The following LRRC7 variants were observed in gnomAD, a reference collection of about 807,000 sequenced individuals.
LRRC7 encodes the protein leucine-rich repeat-containing protein 7.
A neutral mutation model predicts 175.7 loss-of-function variants in LRRC7; 23 were observed. The ratio of observed to expected loss-of-function variants is 0.13; its 90% CI spans 0.09 to 0.19. The LOEUF (loss-of-function observed/expected upper bound fraction) is 0.19. Ranked by LOEUF, LRRC7 falls within the 10% of genes least tolerant of loss-of-function variation. The pLI is 1.00. For synonymous variants in LRRC7, 685 were observed against 680.9 expected (o/e 1.01, Z -0.09); for missense variants, 1,354 against 1,904.7 (o/e 0.71, Z 5.38).
At chr1:69,885,233 A>G (rs1184301839) in intron 7 of LRRC7, among the ~76,000 whole-genome samples, 1 of 135,528 alleles carries the variant, frequency 7.4e-6, no homozygotes, top group African/African-American at 2.9e-5. Context: ...TCAGCTGTGA[A>G]TCCATCTGGT....
chr1:69,663,710 T>G (rs915347990), intron 1 of LRRC7, among the ~76,000 whole-genome samples: 6,315 of 118,240 alleles, frequency 0.053, 264 homozygotes, highest in East Asian at 0.11. Flanking sequence ...ATTTTTTTTT[T>G]TTTTTTTTTT....
At chr1:70,060,332 C>T (rs1176197009) in intron 23 of LRRC7, among the ~76,000 whole-genome samples, 1 of 151,040 alleles carries the variant, frequency 6.6e-6, no homozygotes, top group Admixed American at 6.6e-5. Flanking sequence ...CCCCACCCCC[C>T]CAAAAAAAAA....
Position 70,135,848 on chromosome 1 carries a change from A to G in LRRC7, c.*13961A>G, listed in dbSNP as rs187965642. 9.2e-5 allele frequency among the ~76,000 whole-genome samples: 14 copies of G among 152,308 alleles called. No individual in the cohort carries two copies. The East Asian group carries it at 2.1e-3, about 23-fold the overall frequency. On this transcript the variant is annotated 3_prime_UTR_variant, in exon 27 of 27. Coordinates refer to ENST00000651989, the MANE Select transcript of LRRC7 (RefSeq NM_001370785.2). ...TTTTGGGATATAAATCTTCAGCCAT[A>G]CTTGTAGAATCGTTTGACTAAGCAA...
At chr1:69,830,209 C>G (rs1223987420) in intron 5 of LRRC7, among the ~76,000 whole-genome samples, 1 of 151,696 alleles carries the variant, frequency 6.6e-6, no homozygotes, top group East Asian at 1.9e-4. Context: ...TTAAAACATT[C>G]TTAATGCTCA....
At chr1:69,934,649 C>G (rs1386272392) in intron 8 of LRRC7, among the ~76,000 whole-genome samples, 1 of 151,732 alleles carries the variant, frequency 6.6e-6, no homozygotes, top group African/African-American at 2.4e-5. Flanking sequence ...TATATATAAC[C>G]ATTATTAATA....
chr1:69,996,823 C>G (rs1338684997), intron 11 of LRRC7, among the ~76,000 whole-genome samples: 1 of 151,464 alleles, frequency 6.6e-6, no homozygotes, highest in African/African-American at 2.4e-5. Flanking sequence ...AGTTTGAAGT[C>G]AGGTAGTGTG....
intron 1 of LRRC7, among the ~76,000 whole-genome samples, chr1:69,609,864 C>T (rs1020829417): frequency 5.3e-5 from 8 of 151,964 alleles, no homozygotes; most frequent in Admixed American, 1.3e-4. Context: ...ACTCATACAA[C>T]CGGCATTTTA....
In LRRC7 at chr1:70,143,211, T is replaced by A. The variant is rs1667149275; in HGVS notation, c.*21324T>A. The A allele has an allele frequency of 6.6e-6, 1 of 151,944 alleles. No homozygotes were observed. Among genetic ancestry groups the A allele is most frequent in the Non-Finnish European group, 1.5e-5 (1 of 67,968 alleles). 9.4% of individuals were successfully genotyped at this position (151,944 alleles called of 1,614,324 possible). A position where few individuals can be genotyped will look rare whatever the true frequency, so the allele number is the denominator to read the frequency against. ...AAGAGTCTCTAGACTTTTTTTTTTT[T>A]TTTAATGATCTCTGACTTCACTACC... is the stretch of plus-strand genomic sequence containing the variant. On this transcript the variant is annotated 3_prime_UTR_variant, in exon 27 of 27. Coordinates refer to ENST00000651989, the MANE Select transcript of LRRC7 (RefSeq NM_001370785.2).
intron 7 of LRRC7, among the ~76,000 whole-genome samples, chr1:69,916,782 T>C (rs1255405682): frequency 6.6e-6 from 1 of 152,080 alleles, no homozygotes; most frequent in Non-Finnish European, 1.5e-5. Flanking sequence ...GGCAAGTTAC[T>C]TGCGCTCACG....
At chr1:69,682,340 G>A (rs532389670) in intron 2 of LRRC7, among the ~76,000 whole-genome samples, 1 of 152,056 alleles carries the variant, frequency 6.6e-6, no homozygotes, top group Non-Finnish European at 1.5e-5. Flanking sequence ...AAAGTGATAA[G>A]TCCAGCTTAT....
chr1:70,142,543 A>G lies in LRRC7; in HGVS notation c.*20656A>G, dbSNP rs564472634. On this transcript the variant is annotated 3_prime_UTR_variant, in exon 27 of 27. Transcript: ENST00000651989. ...GACTAAAGGAAGCTTAAGGATAATG[A>G]CATTGTCTTCATATGAAGAAGAAAT... is the stretch of plus-strand genomic sequence containing the variant. 6.6e-6 allele frequency: 1 copy of G among 152,286 alleles called. No homozygotes were observed. The highest frequency in any genetic ancestry group is 2.4e-5 in the African/African-American group (1 of 41,574). 9.4% of individuals were successfully genotyped at this position (152,286 alleles called of 1,614,324 possible).
At chr1:70,023,785 A>G (rs1657778462) in intron 17 of LRRC7, among the ~76,000 whole-genome samples, 1 of 152,166 alleles carries the variant, frequency 6.6e-6, no homozygotes. Context: ...CTAAAACTTA[A>G]TTCTTAAAAT....
chr1:69,924,665 G>A (rs2101747572), intron 7 of LRRC7, among the ~76,000 whole-genome samples: 1 of 152,290 alleles, frequency 6.6e-6, no homozygotes, highest in South Asian at 2.1e-4. Flanking sequence ...CTGAGACTTT[G>A]CTGAAGTTGC....
chr1:70,121,020 C>T (rs1462537448), intron 26 of LRRC7, among the ~76,000 whole-genome samples: 1 of 151,970 alleles, frequency 6.6e-6, no homozygotes, highest in Non-Finnish European at 1.5e-5. Flanking sequence ...GAACAATGTA[C>T]ATTTTGTGAC....
chr1:69,715,361 T>C (rs778909773), intron 2 of LRRC7, among the ~76,000 whole-genome samples: 1 of 152,166 alleles, frequency 6.6e-6, no homozygotes, highest in Non-Finnish European at 1.5e-5. Context: ...AGGCTCTATA[T>C]TGAGTATTCA....
intron 2 of LRRC7, among the ~76,000 whole-genome samples, chr1:69,746,098 A>G (rs1000779355): frequency 6.6e-6 from 1 of 151,884 alleles, no homozygotes. Flanking sequence ...TTCTAGGGTA[A>G]TGTAACTTCT....
intron 25 of LRRC7, among the ~76,000 whole-genome samples, chr1:70,102,356 T>G (rs61784296): frequency 3.3e-5 from 5 of 152,230 alleles, no homozygotes; most frequent in Admixed American, 1.3e-4. Context: ...AATGTCCCCT[T>G]ATTTGTTAGG....
At chr1:70,073,609 T>C (rs993711593) in intron 23 of LRRC7, among the ~76,000 whole-genome samples, 3 of 152,314 alleles carry the variant, frequency 2.0e-5, no homozygotes, top group East Asian at 1.9e-4. Context: ...AGATTATATT[T>C]CATGGAACCA....
chr1:69,633,307 T>C (rs990069516), intron 1 of LRRC7, among the ~76,000 whole-genome samples: 1 of 152,162 alleles, frequency 6.6e-6, no homozygotes, highest in Non-Finnish European at 1.5e-5. Context: ...TGTCCTGTTA[T>C]TGTTAAAGAT....
Sources: allele counts gnomAD v4.1 joint callset (sites outside exome capture counted in the v4.1 genomes callset), GRCh38; gene constraint gnomAD v4.1.1; transcripts MANE v1.5; gene names NCBI Gene and HGNC (gene_info 2026-07-23, HGNC 2026-07-21).